The following SPECC1 variants were observed in gnomAD, a reference collection of about 807,000 sequenced individuals.
SPECC1 encodes the protein cytospin-B.
SPECC1 carries 62 observed loss-of-function variants against 104.1 expected under a neutral mutation model. The observed-to-expected ratio is 0.60, with a 90% CI of 0.49 to 0.74. The LOEUF (loss-of-function observed/expected upper bound fraction) is 0.74. SPECC1 is among the 30% of genes least tolerant of loss of function. The pLI, the probability that SPECC1 is intolerant of heterozygous loss-of-function variation, is 0.00. For missense variants in SPECC1, 1,306 were observed against 1,310.5 expected (o/e 1.00, Z 0.05); for synonymous variants, 513 against 501.6 (o/e 1.02, Z -0.30).
intron 3 of SPECC1, among the ~76,000 whole-genome samples, chr17:20,133,597 A>C (rs891225300): frequency 6.6e-6 from 1 of 152,164 alleles, no homozygotes; most frequent in Admixed American, 6.5e-5. Context: ...AGGAATAAGA[A>C]TAGTTTAGTA....
chr17:20,183,673 C>T (rs1229336487), intron 3 of SPECC1, among the ~76,000 whole-genome samples: 1 of 152,124 alleles, frequency 6.6e-6, no homozygotes, highest in Non-Finnish European at 1.5e-5. Context: ...CTTATACTAC[C>T]TAATACAATG....
At chr17:20,311,177 T>C (rs1454561792) in intron 14 of SPECC1, among the ~76,000 whole-genome samples, 2 of 151,646 alleles carry the variant, frequency 1.3e-5, no homozygotes, top group East Asian at 3.9e-4. Context: ...GTTCAATTGG[T>C]ACATAGGACA....
chr17:20,204,606 G>A lies in SPECC1; in HGVS notation c.557G>A (p.Arg186Lys), dbSNP rs2151347415. ...EAKAKDSEIN[R>K]LRSELKKYKE... Reference sequence around the variant, plus strand: ...AAAGCAAAAGATAGTGAAATTAACAGGCTTCGAAGTGAACTAAAGAAATAC... The same window carrying A: ...AAAGCAAAAGATAGTGAAATTAACAAGCTTCGAAGTGAACTAAAGAAATAC... The change falls in exon 4 of 15, where the codon AGG becomes AAG. Residue 186 changes from arginine to lysine, a missense_variant. Arg to Lys is a conservative substitution (Grantham distance 26). Around this residue, in one of 2 missense-constraint regions of SPECC1, gnomAD observed 1,177 missense variants for 1,139.9 expected, o/e 1.03. Transcript: ENST00000395527. 1.2e-6 allele frequency: 2 copies of A among 1,614,208 alleles called. No homozygotes were observed. The highest frequency in any genetic ancestry group is 2.2e-5 in the East Asian group (1 of 44,880).
intron 13 of SPECC1, among the ~76,000 whole-genome samples, chr17:20,303,711 G>T (rs763321719): frequency 2.0e-5 from 3 of 152,260 alleles, no homozygotes; most frequent in Non-Finnish European, 4.4e-5. Flanking sequence ...CCAGCAGTTC[G>T]GAAGACTTTG....
intron 1 of SPECC1, among the ~76,000 whole-genome samples, chr17:20,061,999 T>G (rs1251713390): frequency 6.6e-6 from 1 of 152,042 alleles, no homozygotes; most frequent in Non-Finnish European, 1.5e-5. Flanking sequence ...GTGGCTCACG[T>G]CTGTAATCCC....
At chr17:20,070,265 T>C (rs1049372881) in intron 1 of SPECC1, among the ~76,000 whole-genome samples, 11 of 152,204 alleles carry the variant, frequency 7.2e-5, no homozygotes, top group African/African-American at 2.7e-4. Flanking sequence ...GAACTTGCCC[T>C]TTATCAAGTT....
chr17:20,102,248 C>G (rs2047978696), intron 2 of SPECC1, among the ~76,000 whole-genome samples: 1 of 152,190 alleles, frequency 6.6e-6, no homozygotes, highest in Admixed American at 6.5e-5. Flanking sequence ...GAGTAGCTAC[C>G]TTCAGCTGTT....
intron 3 of SPECC1, chr17:20,111,989 A>T: frequency 1.3e-6 from 1 of 786,730 alleles, no homozygotes; most frequent in Non-Finnish European, 2.3e-6. Context: ...TATTGCTTTG[A>T]TCAGGGATGA....
chr17:20,240,593 G>A (rs528382749), intron 7 of SPECC1, among the ~76,000 whole-genome samples: 6 of 152,098 alleles, frequency 3.9e-5, no homozygotes, highest in African/African-American at 1.2e-4. Flanking sequence ...AATCTGATGT[G>A]AGGTGTGGTT....
At chr17:20,167,006 G>A (rs183532941) in intron 3 of SPECC1, among the ~76,000 whole-genome samples, 51 of 152,054 alleles carry the variant, frequency 3.4e-4, no homozygotes, top group African/African-American at 1.0e-3. Context: ...AGCTACTCAG[G>A]AGGCTGGGGC....
chr17:20,195,928 A>C (rs2036004088), intron 3 of SPECC1, among the ~76,000 whole-genome samples: 1 of 152,198 alleles, frequency 6.6e-6, no homozygotes, highest in African/African-American at 2.4e-5. Context: ...AGAAAAGCTG[A>C]ATAATACCCC....
chr17:20,044,421 GT>G (rs1313250663), intron 1 of SPECC1, among the ~76,000 whole-genome samples: 1 of 152,096 alleles, frequency 6.6e-6, no homozygotes, highest in Non-Finnish European at 1.5e-5. Flanking sequence ...GGAGATGTGT[GT>G]TTCTTCTTTT....
intron 3 of SPECC1, among the ~76,000 whole-genome samples, chr17:20,173,891 T>C (rs2034274382): frequency 6.6e-6 from 1 of 152,126 alleles, no homozygotes; most frequent in South Asian, 2.1e-4. Context: ...AACATTTATT[T>C]ACCTATTTAG....
intron 1 of SPECC1, among the ~76,000 whole-genome samples, chr17:20,086,564 G>A (rs1567832655): frequency 6.6e-6 from 1 of 152,166 alleles, no homozygotes; most frequent in South Asian, 2.1e-4. Context: ...GTCACCAGGG[G>A]CATGTGGCAT....
At chr17:20,231,240 A>G (rs766267901) in intron 5 of SPECC1, among the ~76,000 whole-genome samples, 5 of 152,194 alleles carry the variant, frequency 3.3e-5, no homozygotes, top group African/African-American at 4.8e-5. Context: ...GTGTGGGACT[A>G]GAACATCGGT....
intron 3 of SPECC1, among the ~76,000 whole-genome samples, chr17:20,130,785 G>T (rs909462224): frequency 5.9e-5 from 9 of 152,144 alleles, no homozygotes; most frequent in African/African-American, 2.2e-4. Flanking sequence ...GATAGTAATT[G>T]TGTTGAACCT....
rs115420025 is a variant in SPECC1 at position 20,234,867 on chromosome 17, A to G, written c.2351+2462A>G. Among the ~76,000 whole-genome samples the G allele has an allele frequency of 6.2e-3, 951 of 152,342 alleles. 10 individuals are homozygous for G. The highest frequency in any genetic ancestry group is 0.021 in the African/African-American group (884 of 41,576). On this transcript the variant is annotated intron_variant, in intron 7 of 14. Coordinates refer to ENST00000395527, the MANE Select transcript of SPECC1 (RefSeq NM_001243439.2). ...TGGAACTCAGTAACTAAACAGTGGG[A>G]TATTATCTAACTCATCCATGATCTT...
intron 2 of SPECC1, among the ~76,000 whole-genome samples, chr17:20,104,585 A>G (rs551032917): frequency 6.6e-6 from 1 of 151,894 alleles, no homozygotes; most frequent in African/African-American, 2.4e-5. Context: ...TCTACTAAAA[A>G]TACAAAAATT....
chr17:20,230,236 AT>A (rs1445736421), intron 5 of SPECC1, among the ~76,000 whole-genome samples: 13 of 152,214 alleles, frequency 8.5e-5, no homozygotes, highest in African/African-American at 2.4e-4. Flanking sequence ...GTGTTTGCTG[AT>A]TTGGTGTGCA....
Sources: allele counts gnomAD v4.1 joint callset (sites outside exome capture counted in the v4.1 genomes callset), GRCh38; gene constraint gnomAD v4.1.1; regional missense constraint gnomAD v4.1.1; transcripts MANE v1.5; gene names NCBI Gene and HGNC (gene_info 2026-07-23, HGNC 2026-07-21).